MSRA: variants seen among roughly 807,000 people sequenced by gnomAD.
The protein encoded by MSRA is methionine sulfoxide reductase A, also known as mitochondrial peptide methionine sulfoxide reductase.
A neutral mutation model predicts 31.3 loss-of-function variants in MSRA; 54 were observed. The observed-to-expected ratio is 1.73, with a 90% CI of 1.39 to 2.17. The LOEUF is 2.17. Ranked by LOEUF, MSRA falls within the 30% of genes most tolerant of loss-of-function variation. The pLI, the probability that MSRA is intolerant of heterozygous loss-of-function variation, is 0.00. For synonymous variants in MSRA, 169 were observed against 116.5 expected, an observed-to-expected ratio of 1.45 and a Z score of -2.90; for missense variants, 507 against 300.9, an observed-to-expected ratio of 1.69 and a Z score of -5.07.
At chr8:10,327,777 C>G (rs914549725) in intron 5 of MSRA, among the ~76,000 whole-genome samples, 1 of 152,084 alleles carries the variant, frequency 6.6e-6, no homozygotes, top group African/African-American at 2.4e-5. Flanking sequence ...ACTAAAAATA[C>G]AAAAAGTTAG....
chr8:10,327,398 T>G (rs1200505229), intron 5 of MSRA, among the ~76,000 whole-genome samples: 1 of 152,222 alleles, frequency 6.6e-6, no homozygotes, highest in Non-Finnish European at 1.5e-5. Context: ...ACAGGGTCAT[T>G]TTAAAGAAAA....
At chr8:10,120,311 G>C (rs962151318) in intron 1 of MSRA, among the ~76,000 whole-genome samples, 1 of 152,164 alleles carries the variant, frequency 6.6e-6, no homozygotes, top group Non-Finnish European at 1.5e-5. Flanking sequence ...AAATAGGAAG[G>C]ATATGGGATT....
At chr8:10,173,196 T>G (rs1040782591) in intron 1 of MSRA, among the ~76,000 whole-genome samples, 3 of 152,238 alleles carry the variant, frequency 2.0e-5, no homozygotes, top group African/African-American at 7.2e-5. Flanking sequence ...CTATGTGATC[T>G]TTAGCTTTAC....
chr8:10,213,947 G>T (rs773885467), intron 2 of MSRA, among the ~76,000 whole-genome samples: 3 of 152,124 alleles, frequency 2.0e-5, no homozygotes, highest in Non-Finnish European at 4.4e-5. Flanking sequence ...AAACCTTAAT[G>T]TTGATAAATT....
intron 5 of MSRA, among the ~76,000 whole-genome samples, chr8:10,401,361 A>G (rs1187967034): frequency 5.9e-5 from 9 of 152,180 alleles, no homozygotes; most frequent in Non-Finnish European, 1.2e-4. Context: ...GTGAGAAACC[A>G]CTTCAGACCC....
intron 5 of MSRA, among the ~76,000 whole-genome samples, chr8:10,332,840 T>G (rs1802783816): frequency 6.6e-6 from 1 of 152,236 alleles, no homozygotes; most frequent in Non-Finnish European, 1.5e-5. Context: ...CTTTACATAT[T>G]AAACTGTGTG....
chr8:10,292,032 A>G (rs1375374486), intron 3 of MSRA, among the ~76,000 whole-genome samples: 1 of 152,212 alleles, frequency 6.6e-6, no homozygotes, highest in African/African-American at 2.4e-5. Flanking sequence ...TAATGAATAA[A>G]TAAAATGGTG....
chr8:10,228,329 C>T (rs1811174318), intron 2 of MSRA, among the ~76,000 whole-genome samples: 1 of 152,170 alleles, frequency 6.6e-6, no homozygotes, highest in African/African-American at 2.4e-5. Context: ...CTTGGAAATG[C>T]GCTGCATGTG....
At chr8:10,094,507 TG>T (rs1463903011) in intron 1 of MSRA, among the ~76,000 whole-genome samples, 1 of 152,252 alleles carries the variant, frequency 6.6e-6, no homozygotes, top group Non-Finnish European at 1.5e-5. Flanking sequence ...AGGAAGTCAC[TG>T]ATTTTCATAA....
intron 1 of MSRA, among the ~76,000 whole-genome samples, chr8:10,154,943 G>C (rs574715834): frequency 1.9e-4 from 27 of 145,648 alleles, no homozygotes; most frequent in African/African-American, 6.7e-4. Context: ...AAATACCACA[G>C]GTACAGTAAA....
chr8:10,079,762 T>G (rs1585103122), intron 1 of MSRA, among the ~76,000 whole-genome samples: 2 of 152,300 alleles, frequency 1.3e-5, no homozygotes, highest in South Asian at 2.1e-4. Context: ...CAACTGGGCT[T>G]CTTCTCTTAT....
chr8:10,061,962 C>A (rs1177440611), intron 1 of MSRA, among the ~76,000 whole-genome samples: 1 of 152,188 alleles, frequency 6.6e-6, no homozygotes, highest in South Asian at 2.1e-4. Flanking sequence ...GGCCTGCGAT[C>A]TTCAGGCTCA....
chr8:10,272,657 C>A (rs1475633866), intron 3 of MSRA, among the ~76,000 whole-genome samples: 1 of 152,220 alleles, frequency 6.6e-6, no homozygotes, highest in Non-Finnish European at 1.5e-5. Context: ...AAAATTAACC[C>A]TCACTCTTAC....
intron 1 of MSRA, among the ~76,000 whole-genome samples, chr8:10,071,430 T>A (rs1381753578): frequency 6.6e-6 from 1 of 151,846 alleles, no homozygotes; most frequent in African/African-American, 2.4e-5. Flanking sequence ...AATATTTTCT[T>A]CTAGGCTGTA....
intron 4 of MSRA, among the ~76,000 whole-genome samples, chr8:10,316,539 T>G (rs1458133474): frequency 4.1e-5 from 4 of 97,622 alleles, no homozygotes; most frequent in African/African-American, 1.9e-4. Flanking sequence ...TCTCTCTCTC[T>G]CTCTCTCTCT....
intron 5 of MSRA, among the ~76,000 whole-genome samples, chr8:10,343,711 C>A (rs1803589577): frequency 6.6e-6 from 1 of 152,130 alleles, no homozygotes; most frequent in African/African-American, 2.4e-5. Context: ...CAATAGATTT[C>A]TGCTGAAAAA....
intron 1 of MSRA, among the ~76,000 whole-genome samples, chr8:10,120,519 G>A (rs1397819074): frequency 2.0e-5 from 3 of 152,138 alleles, no homozygotes; most frequent in African/African-American, 7.2e-5. Flanking sequence ...AAATGTTTTG[G>A]ATTCTTATGT....
chr8:10,096,634 G>A (rs1799174121), intron 1 of MSRA, among the ~76,000 whole-genome samples: 1 of 152,100 alleles, frequency 6.6e-6, no homozygotes. Context: ...TAAGTAGAAG[G>A]AAAATTTAGA....
chr8:10,100,448 G>T (rs1042797443), intron 1 of MSRA, among the ~76,000 whole-genome samples: 1 of 152,086 alleles, frequency 6.6e-6, no homozygotes. Context: ...CTTGGAACTG[G>T]AATAGCAGGT....
Sources: gnomAD v4.1 joint callset for allele counts (sites outside exome capture counted in the v4.1 genomes callset) on GRCh38, gnomAD v4.1.1 for gene constraint, MANE v1.5 for transcripts, NCBI Gene and HGNC (gene_info 2026-07-23, HGNC 2026-07-21) for gene names.